The following CDH2 variants were observed in gnomAD, a reference collection of about 807,000 sequenced individuals.
CDH2 encodes the protein cadherin-2.
A neutral mutation model predicts 92.0 loss-of-function variants in CDH2; 17 were observed. The observed-to-expected ratio is 0.18, with a 90% CI of 0.13 to 0.28. The LOEUF (loss-of-function observed/expected upper bound fraction) is 0.28. Among genes scored for constraint, CDH2 ranks in the 10% least tolerant of loss-of-function variants. The pLI is 1.00. For synonymous variants in CDH2, 419 were observed against 415.9 expected (o/e 1.01, Z -0.09); for missense variants, 862 against 1,133.1 (o/e 0.76, Z 3.44).
chr18:28,111,798 T>A (rs17446616), intron 2 of CDH2, among the ~76,000 whole-genome samples: 7,067 of 152,280 alleles, frequency 0.046, 195 homozygotes, highest in South Asian at 0.082. Flanking sequence ...CACATGATCT[T>A]TCAAGTTTTT....
At chr18:28,103,232 TTATA>T (rs1162778486) in intron 2 of CDH2, among the ~76,000 whole-genome samples, 1 of 140,978 alleles carries the variant, frequency 7.1e-6, no homozygotes, top group Admixed American at 7.1e-5. Flanking sequence ...AAAAACTCCT[TTATA>T]TATATATAAA....
rs202029952 is a variant in CDH2 at position 28,009,725 on chromosome 18, G to T, written c.694C>A (p.Arg232=). ...TKPLDREQIA[R]FHLRAHAVDI... ...GCTGGTTGGAATCTTACATGAAACC[G>T]GGCTATCTGCTCGCGATCCAGGGGC... Residue 232 remains arginine, a synonymous_variant, in exon 5 of 16, where the codon CGG becomes AGG. Transcript: ENST00000269141. 62 of 1,613,436 alleles carry T rather than the reference G, an allele frequency of 3.8e-5. 1 individual carries two copies. In the South Asian group the frequency reaches 6.2e-4, roughly 16 times the overall value.
intron 6 of CDH2, among the ~76,000 whole-genome samples, chr18:27,940,671 T>TTGCA (rs1367384893): frequency 6.6e-6 from 1 of 152,188 alleles, no homozygotes; most frequent in African/African-American, 2.4e-5. Flanking sequence ...TATTCACATA[T>TTGCA]TGCATCTTTC....
At chr18:28,049,185 A>G (rs2014140550) in intron 2 of CDH2, among the ~76,000 whole-genome samples, 1 of 152,200 alleles carries the variant, frequency 6.6e-6, no homozygotes, top group Non-Finnish European at 1.5e-5. Flanking sequence ...AGGTAAAAGA[A>G]AAAGTTTAAA....
downstream of CDH2, among the ~76,000 whole-genome samples, chr18:27,947,320 T>A (rs1027919346): frequency 6.6e-6 from 1 of 151,824 alleles, no homozygotes; most frequent in South Asian, 2.1e-4. Flanking sequence ...TAGAGTGTAA[T>A]AAAATGAGAT....
At chr18:27,952,410 T>C (rs777577156) in intron 15 of CDH2, 51 bp from the exon 16 acceptor site, 3 of 1,434,338 alleles carry the variant, frequency 2.1e-6, no homozygotes, top group Non-Finnish European at 9.8e-7. Flanking sequence ...GGTTACACTT[T>C]ACAAAACCAC....
intron 7 of CDH2, among the ~76,000 whole-genome samples, chr18:28,001,833 C>CT (rs2012775974): frequency 6.6e-6 from 1 of 152,188 alleles, no homozygotes; most frequent in African/African-American, 2.4e-5. Context: ...GTAATGTTTT[C>CT]TTCTATTCAA....
chr18:28,174,914 T>G (rs1013995576), intron 1 of CDH2, among the ~76,000 whole-genome samples: 13 of 152,298 alleles, frequency 8.5e-5, no homozygotes, highest in Non-Finnish European at 1.6e-4. Context: ...TGTCCAAAAA[T>G]TAGTGTTTTT....
chr18:28,063,794 G>A (rs1396981544), intron 2 of CDH2, among the ~76,000 whole-genome samples: 1 of 152,178 alleles, frequency 6.6e-6, no homozygotes, highest in Non-Finnish European at 1.5e-5. Context: ...CCTGGGATTT[G>A]TAGACAAAAG....
chr18:27,954,002 T>A (rs1233768236), intron 15 of CDH2, among the ~76,000 whole-genome samples: 1 of 152,166 alleles, frequency 6.6e-6, no homozygotes, highest in Non-Finnish European at 1.5e-5. Context: ...AAAGTACACA[T>A]GACCAGTTTT....
chr18:27,948,683 C>G (rs1029015297), downstream of CDH2, among the ~76,000 whole-genome samples: 1 of 151,690 alleles, frequency 6.6e-6, no homozygotes. Context: ...ATCTCCAATC[C>G]CCTCATTAGT....
chr18:28,139,210 T>G (rs777080583), intron 2 of CDH2, among the ~76,000 whole-genome samples: 1 of 152,050 alleles, frequency 6.6e-6, no homozygotes, highest in Non-Finnish European at 1.5e-5. Flanking sequence ...AACGCAGATT[T>G]TTAAAACCTC....
intron 2 of CDH2, among the ~76,000 whole-genome samples, chr18:28,014,289 T>C (rs555825019): frequency 1.2e-4 from 19 of 152,238 alleles, no homozygotes; most frequent in African/African-American, 4.3e-4. Flanking sequence ...ACAAACCCCC[T>C]TTTTCTCAGT....
In CDH2 at chr18:27,951,321, T is replaced by C. The variant is rs904475676; in HGVS notation, c.*832A>G. On this transcript the variant is annotated 3_prime_UTR_variant, in exon 16 of 16. Coordinates refer to ENST00000269141, the MANE Select transcript of CDH2 (RefSeq NM_001792.5). ...AATTGAATCAAATGTCACTGTTTTG[T>C]AAATACTTTATCCATAACGAAAGAT... is the stretch of plus-strand genomic sequence containing the variant. 1.3e-5 allele frequency: 2 copies of C among 152,504 alleles called. No individual in the cohort carries two copies. Among genetic ancestry groups the C allele is most frequent in the Non-Finnish European group, 1.5e-5 (1 of 68,002 alleles). The allele number at this position is 152,504 out of a possible 1,614,324, so 9.4% of individuals were successfully genotyped here.
intron 2 of CDH2, among the ~76,000 whole-genome samples, chr18:28,037,795 C>T (rs969834427): frequency 6.6e-6 from 1 of 152,058 alleles, no homozygotes; most frequent in African/African-American, 2.4e-5. Context: ...AATATACAGG[C>T]TGAAATTACA....
At position 28,005,874 on chromosome 18, in the gene CDH2, C is replaced by G; in HGVS notation, c.822G>C (p.Gly274=). ...RPEFLHQVWN[G]TVPEGSKPGT... ...CAGGCTTTGATCCCTCAGGAACTGT[C>G]CCATTCCAAACCTGGTGTAAGAACT... Residue 274 remains glycine (G), a synonymous_variant, in exon 6 of 16, where the codon GGG becomes GGC. Coordinates refer to ENST00000269141, the MANE Select transcript of CDH2 (RefSeq NM_001792.5). 2 of 1,613,448 alleles carry G rather than the reference C, an allele frequency of 1.2e-6. No individual in the cohort carries two copies. The highest frequency in any genetic ancestry group is 1.7e-6 in the Non-Finnish European group (2 of 1,179,512).
At chr18:28,160,235 C>T (rs970447660) in intron 1 of CDH2, among the ~76,000 whole-genome samples, 2 of 151,786 alleles carry the variant, frequency 1.3e-5, no homozygotes, top group Admixed American at 1.3e-4. Context: ...GCAGGATGCA[C>T]AGCGACCTTA....
At chr18:28,022,681 A>C (rs2013443031) in intron 2 of CDH2, among the ~76,000 whole-genome samples, 1 of 152,150 alleles carries the variant, frequency 6.6e-6, no homozygotes, top group Non-Finnish European at 1.5e-5. Context: ...TCCTTTGGAA[A>C]TGCAAATGTT....
rs193062179 is a variant in CDH2, at chr18:28,111,569, G to T, written c.172+36104C>A. ...CTGAGAATCAGAGAGGCAGGTGCCG[G>T]CTCTCTGAAATTCAAAACACTGAGT... On this transcript the variant is annotated intron_variant, in intron 2 of 15. Transcript: ENST00000269141. 2.0e-5 allele frequency among the ~76,000 whole-genome samples: 3 copies of T among 152,284 alleles called. No homozygotes were observed. In the East Asian group the frequency reaches 5.8e-4, roughly 29 times the overall value.
Sources: gnomAD v4.1 joint callset for allele counts (sites outside exome capture counted in the v4.1 genomes callset) on GRCh38, gnomAD v4.1.1 for gene constraint, MANE v1.5 for transcripts, NCBI Gene and HGNC (gene_info 2026-07-23, HGNC 2026-07-21) for gene names.